The following ADAM18 variants were observed in gnomAD, a reference collection of about 807,000 sequenced individuals.
ADAM18 encodes ADAM metallopeptidase domain 18.
Under a neutral mutation model 94.4 loss-of-function variants are expected in ADAM18, and 117 were observed. That is an observed-to-expected ratio of 1.24 (90% CI 1.07 to 1.45). ADAM18 has a LOEUF of 1.45. Ranked by LOEUF, ADAM18 falls within the 40% of genes most tolerant of loss-of-function variation. ADAM18 has a pLI of 0.00. For synonymous variants in ADAM18, 327 were observed against 291.6 expected (o/e 1.12, Z -1.24); for missense variants, 936 against 880.0 (o/e 1.06, Z -0.81).
chr8:39,641,613 C>T (rs1361332499), intron 10 of ADAM18, among the ~76,000 whole-genome samples: 3 of 152,050 alleles, frequency 2.0e-5, no homozygotes, highest in Non-Finnish European at 4.4e-5. Context: ...TTAGCTCCCA[C>T]TTATAAGTGA....
chr8:39,721,479 C>T (rs1399577154), intron 18 of ADAM18, among the ~76,000 whole-genome samples: 1 of 151,530 alleles, frequency 6.6e-6, no homozygotes, highest in African/African-American at 2.4e-5. Context: ...AGTGGACAAC[C>T]TACAGAATGA....
chr8:39,608,989 A>T, intron 3 of ADAM18, 53 bp from the exon 4 acceptor site: 1 of 1,033,440 alleles, frequency 9.7e-7, no homozygotes, highest in Non-Finnish European at 1.4e-6. Context: ...TTTGTTTTTA[A>T]CATTATATTA....
At chr8:39,646,462 A>G (rs566764288) in intron 11 of ADAM18, among the ~76,000 whole-genome samples, 1 of 152,336 alleles carries the variant, frequency 6.6e-6, no homozygotes, top group Non-Finnish European at 1.5e-5. Flanking sequence ...CAATAGATCC[A>G]AAATATTATC....
At chr8:39,674,317 T>TG (rs1806899903) in intron 14 of ADAM18, among the ~76,000 whole-genome samples, 1 of 152,180 alleles carries the variant, frequency 6.6e-6, no homozygotes, top group Non-Finnish European at 1.5e-5. Context: ...CTGTATTGGG[T>TG]GCATGTATAT....
chr8:39,624,449 T>C (rs1057192596), intron 6 of ADAM18, among the ~76,000 whole-genome samples: 2 of 152,216 alleles, frequency 1.3e-5, no homozygotes, highest in Admixed American at 1.3e-4. Flanking sequence ...TTGCTGAAGA[T>C]CAGTTGGTGG....
In ADAM18 at chr8:39,668,148, G is replaced by A. The variant is rs750888479; in HGVS notation, c.1477G>A (p.Gly493Arg). The A allele has an allele frequency of 1.9e-5, 31 of 1,613,834 alleles. No homozygotes were observed. The highest frequency in any genetic ancestry group is 6.7e-5 in the East Asian group (3 of 44,880). ...GTTGGGAACTGCCTATTGCTATAAC[G>A]GACAATGTCAAACTACTGATAACCA... ...CKLGTAYCYN[G>R]QCQTTDNQCA... is the part of the protein sequence containing the mutation. Residue 493 changes from glycine (G) to arginine (R), a missense_variant, in exon 14 of 20, where the codon GGA becomes AGA. Physicochemically the swap from Gly to Arg is moderately radical, Grantham distance 125. Coordinates refer to ENST00000265707, the MANE Select transcript of ADAM18 (RefSeq NM_014237.3).
intron 2 of ADAM18, among the ~76,000 whole-genome samples, chr8:39,590,726 T>G (rs1818547037): frequency 6.6e-6 from 1 of 152,236 alleles, no homozygotes; most frequent in South Asian, 2.1e-4. Flanking sequence ...AATAACATTT[T>G]ACATTGATAA....
rs375290161 is a variant in ADAM18, at chr8:39,672,325, C to T, written c.1525+4129C>T. Among the ~76,000 whole-genome samples, 63 of 152,252 alleles carry T rather than the reference C, an allele frequency of 4.1e-4. 1 individual carries two copies. The highest frequency in any genetic ancestry group is 1.4e-3 in the African/African-American group (59 of 41,548). ...AGAGTGGGAATGCCACTACACTCACCGGTAGCAATGGATATGATAAGATCT... is the reference window on the plus strand; with the variant it reads ...AGAGTGGGAATGCCACTACACTCACTGGTAGCAATGGATATGATAAGATCT... On this transcript the variant is annotated intron_variant, in intron 14 of 19. Transcript: ENST00000265707.
intron 16 of ADAM18, among the ~76,000 whole-genome samples, chr8:39,683,174 A>T (rs968333672): frequency 1.3e-5 from 2 of 152,208 alleles, no homozygotes; most frequent in African/African-American, 4.8e-5. Context: ...GAAGAGTAAT[A>T]CATGGGAAGA....
intron 18 of ADAM18, among the ~76,000 whole-genome samples, chr8:39,715,073 CT>C (rs1273903558): frequency 6.6e-6 from 1 of 151,988 alleles, no homozygotes; most frequent in African/African-American, 2.4e-5. Context: ...AGATCAAATT[CT>C]TTGTCTTACA....
intron 6 of ADAM18, among the ~76,000 whole-genome samples, chr8:39,628,624 T>A (rs114586476): frequency 0.011 from 1,722 of 152,190 alleles, 39 homozygotes; most frequent in African/African-American, 0.039. Context: ...CTCTTTACTC[T>A]TGTATTTTGT....
chr8:39,625,129 C>T (rs1320745182), intron 6 of ADAM18, among the ~76,000 whole-genome samples: 6 of 152,054 alleles, frequency 3.9e-5, no homozygotes, highest in Admixed American at 6.6e-5. Context: ...AGATTGCTTT[C>T]GGCAGTATGG....
chr8:39,634,678 A>T (rs1390846977), intron 7 of ADAM18, among the ~76,000 whole-genome samples: 2 of 152,086 alleles, frequency 1.3e-5, no homozygotes, highest in African/African-American at 4.8e-5. Flanking sequence ...TGTCTGTTCT[A>T]TGTCTGTCCC....
intron 12 of ADAM18, among the ~76,000 whole-genome samples, chr8:39,659,332 A>G (rs1820769530): frequency 6.6e-6 from 1 of 152,070 alleles, no homozygotes; most frequent in Non-Finnish European, 1.5e-5. Context: ...ATTTTCAAAC[A>G]TATTTTCTAA....
chr8:39,586,700 C>A (rs1818402811), intron 2 of ADAM18, among the ~76,000 whole-genome samples: 1 of 152,130 alleles, frequency 6.6e-6, no homozygotes, highest in African/African-American at 2.4e-5. Flanking sequence ...GTACTCCAGC[C>A]TGGATGACAG....
intron 18 of ADAM18, among the ~76,000 whole-genome samples, chr8:39,721,344 A>G (rs1405405598): frequency 6.6e-6 from 1 of 151,488 alleles, no homozygotes. Flanking sequence ...GGACATTGGT[A>G]TAGGCAAATA....
rs1554500907 is a variant in ADAM18 at position 39,586,789 on chromosome 8, T to TATC, written c.132+1438_132+1440dup. Among the ~76,000 whole-genome samples the TATC allele has an allele frequency of 9.3e-4, 127 of 136,418 alleles. No homozygotes were observed. The South Asian group carries it at 0.027, about 29-fold the overall frequency. The allele number at this position is 136,418 out of a possible 152,430, so 89.5% of individuals were successfully genotyped here. On this transcript the variant is annotated intron_variant, in intron 2 of 19. Coordinates refer to ENST00000265707, the MANE Select transcript of ADAM18 (RefSeq NM_014237.3). Reference sequence around the variant, plus strand: ...CTATCTATCTATCTATCTATCTATCTATCTATCTATCTATATCTATCTATC... The same window carrying TATC: ...CTATCTATCTATCTATCTATCTATCTATCATCTATCTATCTATATCTATCTATC...
At position 39,706,892 on chromosome 8, in the gene ADAM18, T is replaced by C; in HGVS notation, c.2005T>C (p.Phe669Leu). The change falls in exon 18 of 20, where the codon TTT becomes CTT. Residue 669 changes from phenylalanine (F) to leucine (L), a missense_variant. Physicochemically the swap from Phe to Leu is conservative, Grantham distance 22 (BLOSUM62 0). Transcript: ENST00000265707. ...SPGGSIDDGN[F>L]QKSGDFYTEK... is the part of the protein sequence containing the mutation. ...AGGGGGTAGTATTGATGATGGAAATTTTCAGAAATCTGGTAAGTGGAAATT... is the reference window on the plus strand; with the variant it reads ...AGGGGGTAGTATTGATGATGGAAATCTTCAGAAATCTGGTAAGTGGAAATT... 1 of 1,584,764 alleles carries C rather than the reference T, an allele frequency of 6.3e-7. No homozygotes were observed.
At chr8:39,662,917 A>C (rs1347575728) in intron 12 of ADAM18, among the ~76,000 whole-genome samples, 3 of 152,142 alleles carry the variant, frequency 2.0e-5, no homozygotes, top group Non-Finnish European at 4.4e-5. Context: ...GAGCCACTGC[A>C]CCCAGCCCCT....
Sources: allele counts gnomAD v4.1 joint callset (sites outside exome capture counted in the v4.1 genomes callset), GRCh38; gene constraint gnomAD v4.1.1; transcripts MANE v1.5; gene names NCBI Gene and HGNC (gene_info 2026-07-23, HGNC 2026-07-21).